B3GALT1: variants seen among roughly 807,000 people sequenced by gnomAD.
B3GALT1 encodes UDP-Gal:betaGlcNAc beta 1,3-galactosyltransferase, polypeptide 1.
A neutral mutation model predicts 23.2 loss-of-function variants in B3GALT1; 10 were observed. That is an observed-to-expected ratio of 0.43 (90% confidence interval 0.27 to 0.73). The LOEUF is 0.73. B3GALT1 is among the 30% of genes least tolerant of loss of function. The probability of loss-of-function intolerance (pLI) is 0.21; values close to 1 mark genes in which losing one functional copy is unlikely to be tolerated. For missense variants in B3GALT1, 299 were observed against 405.4 expected (o/e 0.74, Z 2.25); for synonymous variants, 156 against 141.5 (o/e 1.10, Z -0.73).
intron 1 of B3GALT1, among the ~76,000 whole-genome samples, chr2:167,395,754 T>G (rs1481903508): frequency 6.6e-6 from 1 of 151,904 alleles, no homozygotes. Context: ...GATGCTTCCT[T>G]GGATATTCAA....
rs1453763511 is a variant in B3GALT1 at position 167,612,266 on chromosome 2, C to T, written c.-409-34643C>T. Among the ~76,000 whole-genome samples the T allele has an allele frequency of 5.3e-5, 8 of 151,902 alleles. No homozygotes were observed. In the East Asian group the frequency reaches 1.5e-3, roughly 29 times the overall value. On this transcript the variant is annotated intron_variant, in intron 2 of 4. Coordinates refer to ENST00000392690, the MANE Select transcript of B3GALT1 (RefSeq NM_020981.4). ...AGTGGACCTAAAAAATTCAATATTT[C>T]TCTCTTGTGATAGTATGTTTGCAGT...
intron 2 of B3GALT1, among the ~76,000 whole-genome samples, chr2:167,594,191 G>C (rs183233621): frequency 7.9e-5 from 12 of 152,190 alleles, no homozygotes; most frequent in Non-Finnish European, 1.6e-4. Flanking sequence ...GGGAGGCTAC[G>C]TAGTGTAGAT....
chr2:167,856,991 C>T (rs1346456220), intron 4 of B3GALT1, among the ~76,000 whole-genome samples: 1 of 152,116 alleles, frequency 6.6e-6, no homozygotes, highest in African/African-American at 2.4e-5. Context: ...GACAGGATTT[C>T]TGATCCGTGA....
chr2:167,664,801 T>C (rs369565567), intron 3 of B3GALT1, among the ~76,000 whole-genome samples: 1 of 150,996 alleles, frequency 6.6e-6, no homozygotes. Context: ...GTGATTTTTG[T>C]ACATTGATTT....
intron 2 of B3GALT1, among the ~76,000 whole-genome samples, chr2:167,550,914 C>T (rs1052193315): frequency 2.0e-5 from 3 of 152,144 alleles, no homozygotes; most frequent in African/African-American, 7.2e-5. Context: ...TGTTACAGTC[C>T]AGGGAGGGTT....
chr2:167,794,439 T>C (rs1248017613), intron 3 of B3GALT1, among the ~76,000 whole-genome samples: 1 of 152,224 alleles, frequency 6.6e-6, no homozygotes, highest in Non-Finnish European at 1.5e-5. Context: ...AAGTGCCAGC[T>C]ACTTTGTTGT....
intron 1 of B3GALT1, among the ~76,000 whole-genome samples, chr2:167,326,132 T>C (rs1009882988): frequency 6.6e-6 from 1 of 151,810 alleles, no homozygotes; most frequent in African/African-American, 2.4e-5. Flanking sequence ...CTTACTGGAG[T>C]ATGATGATAT....
intron 2 of B3GALT1, among the ~76,000 whole-genome samples, chr2:167,621,010 GAGTTT>G (rs2105439169): frequency 6.6e-6 from 1 of 151,430 alleles, no homozygotes; most frequent in African/African-American, 2.4e-5. Flanking sequence ...TCATAGTAGA[GAGTTT>G]AGTATATTAA....
intron 4 of B3GALT1, among the ~76,000 whole-genome samples, chr2:167,852,238 C>T (rs1349925005): frequency 6.6e-6 from 1 of 152,126 alleles, no homozygotes; most frequent in Non-Finnish European, 1.5e-5. Context: ...CCATTTGCAC[C>T]ACTTTATCAC....
intron 3 of B3GALT1, among the ~76,000 whole-genome samples, chr2:167,766,917 C>T (rs1454750974): frequency 1.3e-5 from 2 of 152,190 alleles, no homozygotes; most frequent in African/African-American, 2.4e-5. Context: ...TTACCCTTGA[C>T]CAGTCCACTT....
intron 2 of B3GALT1, among the ~76,000 whole-genome samples, chr2:167,600,479 A>G (rs2105423319): frequency 6.6e-6 from 1 of 152,292 alleles, no homozygotes; most frequent in East Asian, 1.9e-4. Flanking sequence ...AAATTTAGAC[A>G]ATTATCATCA....
chr2:167,468,688 A>G (rs1314669976), intron 1 of B3GALT1, among the ~76,000 whole-genome samples: 1 of 152,148 alleles, frequency 6.6e-6, no homozygotes, highest in Non-Finnish European at 1.5e-5. Context: ...CCTGACTAAC[A>G]TGGTGAAGCC....
chr2:167,863,484 A>G (rs575938581), intron 4 of B3GALT1, among the ~76,000 whole-genome samples: 8 of 152,342 alleles, frequency 5.3e-5, no homozygotes, highest in African/African-American at 1.9e-4. Context: ...ATTTGGAGAT[A>G]AAACAGATTT....
intron 3 of B3GALT1, among the ~76,000 whole-genome samples, chr2:167,795,070 A>G (rs920497277): frequency 6.6e-6 from 1 of 152,224 alleles, no homozygotes; most frequent in Non-Finnish European, 1.5e-5. Flanking sequence ...TAACCCGGTT[A>G]CTAGGTAGTC....
chr2:167,470,365 G>A (rs1234165620), intron 1 of B3GALT1, among the ~76,000 whole-genome samples: 4 of 152,032 alleles, frequency 2.6e-5, no homozygotes, highest in Non-Finnish European at 4.4e-5. Flanking sequence ...TTATATTTTA[G>A]TCTTCCTTTT....
At chr2:167,802,345 C>T (rs774382526) in intron 3 of B3GALT1, among the ~76,000 whole-genome samples, 59 of 152,340 alleles carry the variant, frequency 3.9e-4, no homozygotes, top group Non-Finnish European at 7.3e-4. Flanking sequence ...GAGAGGGGCC[C>T]TGGAGCCAGC....
At chr2:167,662,732 C>A (rs906262450) in intron 3 of B3GALT1, among the ~76,000 whole-genome samples, 7 of 151,906 alleles carry the variant, frequency 4.6e-5, no homozygotes, top group Non-Finnish European at 8.8e-5. Flanking sequence ...CTGTAGGGCC[C>A]CACCTCTCTG....
intron 3 of B3GALT1, among the ~76,000 whole-genome samples, chr2:167,802,935 G>A (rs1027543040): frequency 6.6e-6 from 1 of 151,864 alleles, no homozygotes; most frequent in Non-Finnish European, 1.5e-5. Context: ...TATCACAAAG[G>A]TATATATTCA....
At chr2:167,432,007 C>CT (rs1467588751) in intron 1 of B3GALT1, among the ~76,000 whole-genome samples, 1 of 152,062 alleles carries the variant, frequency 6.6e-6, no homozygotes, top group Non-Finnish European at 1.5e-5. Context: ...AATCATGGGC[C>CT]TAGAAGAGAA....
Sources: allele counts gnomAD v4.1 joint callset (sites outside exome capture counted in the v4.1 genomes callset), GRCh38; gene constraint gnomAD v4.1.1; transcripts MANE v1.5; gene names NCBI Gene and HGNC (gene_info 2026-07-23, HGNC 2026-07-21).